The following PCDH7 variants were observed in gnomAD, a reference collection of about 807,000 sequenced individuals.
The protein encoded by PCDH7 is protocadherin-7.
PCDH7 carries 17 observed loss-of-function variants against 58.9 expected under a neutral mutation model. The observed-to-expected ratio is 0.29, with a 90% CI of 0.20 to 0.43. The LOEUF (loss-of-function observed/expected upper bound fraction) is 0.43. PCDH7 is among the 20% of genes least tolerant of loss of function. The pLI is 1.00. For missense variants in PCDH7, 1,274 were observed against 1,441.0 expected (o/e 0.88, Z 1.88); for synonymous variants, 664 against 616.4 (o/e 1.08, Z -1.14).
intron 3 of PCDH7, among the ~76,000 whole-genome samples, chr4:30,961,267 G>A (rs182636120): frequency 1.9e-3 from 294 of 151,996 alleles, no homozygotes; most frequent in African/African-American, 6.6e-3. Context: ...TTGGCACGCC[G>A]GGCACGGTGG....
chr4:30,950,544 G>A (rs576986846), intron 3 of PCDH7, among the ~76,000 whole-genome samples: 10 of 152,152 alleles, frequency 6.6e-5, no homozygotes, highest in South Asian at 4.1e-4. Context: ...ACAAACAATC[G>A]TTATATAACA....
chr4:30,806,339 C>G (rs533895541), intron 1 of PCDH7, among the ~76,000 whole-genome samples: 44 of 151,940 alleles, frequency 2.9e-4, no homozygotes, highest in African/African-American at 9.7e-4. Flanking sequence ...CAGTCTCGCT[C>G]TGTCACCCAG....
chr4:30,935,482 A>G (rs1029510494), intron 2 of PCDH7: 1 of 188,542 alleles, frequency 5.3e-6, no homozygotes, highest in Non-Finnish European at 9.9e-6. Flanking sequence ...TAGAAAAAGA[A>G]AACATGAATA....
intron 1 of PCDH7, among the ~76,000 whole-genome samples, chr4:30,893,061 T>C (rs2109385691): frequency 6.6e-6 from 1 of 152,204 alleles, no homozygotes; most frequent in South Asian, 2.1e-4. Flanking sequence ...GTTTAAAATG[T>C]TATAGAAGTA....
intron 1 of PCDH7, among the ~76,000 whole-genome samples, chr4:30,896,433 C>T (rs895558478): frequency 2.0e-5 from 3 of 151,806 alleles, no homozygotes; most frequent in African/African-American, 4.8e-5. Context: ...CTCTAATCCA[C>T]CATGAATGAT....
chr4:30,955,499 GTATTT>G (rs36224344), intron 3 of PCDH7, among the ~76,000 whole-genome samples: 63,197 of 118,492 alleles, frequency 0.53, 16,604 homozygotes, highest in African/African-American at 0.77. Flanking sequence ...TTTTATTATT[GTATTT>G]TATTTTATTT....
intron 3 of PCDH7, among the ~76,000 whole-genome samples, chr4:31,026,200 A>G (rs1292135603): frequency 6.6e-6 from 1 of 152,184 alleles, no homozygotes; most frequent in East Asian, 1.9e-4. Context: ...CCACTAATCT[A>G]TGACATTTTT....
intron 3 of PCDH7, among the ~76,000 whole-genome samples, chr4:31,112,213 A>T (rs796895843): frequency 9.2e-5 from 14 of 152,254 alleles, no homozygotes; most frequent in African/African-American, 3.1e-4. Context: ...TAGTTTTGCT[A>T]ACTTTCTGTC....
At chr4:30,885,072 G>A (rs1406094657) in intron 1 of PCDH7, 2 of 152,146 alleles carry the variant, frequency 1.3e-5, no homozygotes, top group Non-Finnish European at 1.5e-5. Flanking sequence ...TGTCAACTGA[G>A]AATCTGCCTC....
At chr4:30,843,640 C>T (rs1272538232) in intron 1 of PCDH7, among the ~76,000 whole-genome samples, 1 of 152,174 alleles carries the variant, frequency 6.6e-6, no homozygotes, top group Non-Finnish European at 1.5e-5. Flanking sequence ...AAAAACCAAA[C>T]ATCTATCTGA....
chr4:30,873,197 C>A (rs1735842721), intron 1 of PCDH7, among the ~76,000 whole-genome samples: 1 of 151,974 alleles, frequency 6.6e-6, no homozygotes, highest in Admixed American at 6.6e-5. Context: ...ACTGTGAAGG[C>A]AACCACTAAG....
Position 30,756,439 on chromosome 4 carries a change from C to G in PCDH7, c.70+31843C>G, listed in dbSNP as rs539017660. Among the ~76,000 whole-genome samples, 21 of 152,262 alleles carry G rather than the reference C, an allele frequency of 1.4e-4. No individual in the cohort carries two copies. The East Asian group carries it at 3.7e-3, about 27-fold the overall frequency. ...GAGGAAACTGAGACAAATACAGATT[C>G]AGTAACTTCAGGTCATATACTTAGT... On this transcript the variant is annotated intron_variant, in intron 1 of 3. Coordinates refer to the PCDH7 transcript ENST00000509759.
intron 3 of PCDH7, among the ~76,000 whole-genome samples, chr4:30,999,823 T>C (rs1228450244): frequency 6.6e-6 from 1 of 152,110 alleles, no homozygotes; most frequent in Non-Finnish European, 1.5e-5. Flanking sequence ...AAGTTAATGA[T>C]ATATTGATGT....
intron 3 of PCDH7, among the ~76,000 whole-genome samples, chr4:31,012,325 C>T (rs1753259058): frequency 6.6e-6 from 1 of 151,090 alleles, no homozygotes; most frequent in Admixed American, 6.6e-5. Flanking sequence ...ATTTATTTGT[C>T]ATGTTGGTTT....
At chr4:30,964,865 T>G (rs1469530441) in intron 3 of PCDH7, among the ~76,000 whole-genome samples, 3 of 152,326 alleles carry the variant, frequency 2.0e-5, no homozygotes, top group Non-Finnish European at 2.9e-5. Flanking sequence ...TGTTCTTAAT[T>G]TTGGTGAATA....
At chr4:30,927,249 T>C (rs1467752495) in intron 2 of PCDH7, among the ~76,000 whole-genome samples, 3 of 152,156 alleles carry the variant, frequency 2.0e-5, no homozygotes, top group Non-Finnish European at 2.9e-5. Flanking sequence ...GCTTATAGAT[T>C]ACATATAATT....
At chr4:30,751,201 T>G (rs1191622784) in intron 1 of PCDH7, among the ~76,000 whole-genome samples, 1 of 152,250 alleles carries the variant, frequency 6.6e-6, no homozygotes, top group African/African-American at 2.4e-5. Context: ...TTGTATGATA[T>G]GAGCTTTTTG....
intron 3 of PCDH7, among the ~76,000 whole-genome samples, chr4:31,005,435 C>T (rs2109143475): frequency 6.6e-6 from 1 of 152,148 alleles, no homozygotes; most frequent in Admixed American, 6.5e-5. Context: ...GTCATCAACC[C>T]TTCTTCAAAA....
intron 3 of PCDH7, among the ~76,000 whole-genome samples, chr4:31,019,340 A>G (rs1753846819): frequency 6.6e-6 from 1 of 152,188 alleles, no homozygotes; most frequent in South Asian, 2.1e-4. Flanking sequence ...TTTAGTAAAA[A>G]TGTTGATTAA....
Sources: gnomAD v4.1 joint callset for allele counts (sites outside exome capture counted in the v4.1 genomes callset) on GRCh38, gnomAD v4.1.1 for gene constraint, MANE v1.5 for transcripts, NCBI Gene and HGNC (gene_info 2026-07-23, HGNC 2026-07-21) for gene names.